The following CFHR3 variants were observed in gnomAD, a reference collection of about 807,000 sequenced individuals.
CFHR3 encodes the protein complement factor H related 3, also known as complement factor H-related protein 3.
A neutral mutation model predicts 36.0 loss-of-function variants in CFHR3; 22 were observed. The ratio of observed to expected loss-of-function variants is 0.61; its 90% CI spans 0.44 to 0.87. The LOEUF is 0.87. CFHR3 is among the 40% of genes least tolerant of loss of function. The probability of loss-of-function intolerance (pLI) is 0.00; values close to 1 mark genes in which losing one functional copy is unlikely to be tolerated. For synonymous variants in CFHR3, 97 were observed against 137.4 expected (o/e 0.71, Z 2.06); for missense variants, 276 against 401.3 (o/e 0.69, Z 2.67).
intron 4 of CFHR3, chr1:196,789,819 C>A (rs1226527629): frequency 1.7e-6 from 2 of 1,172,278 alleles, no homozygotes; most frequent in Non-Finnish European, 2.2e-6. Flanking sequence ...TAGACACCTA[C>A]ATATGTATAT....
rs1270235612 is a variant in CFHR3 at position 196,782,334 on chromosome 1, G to A, written c.430+2361G>A. On this transcript the variant is annotated intron_variant, in intron 3 of 5. Coordinates refer to ENST00000367425, the MANE Select transcript of CFHR3 (RefSeq NM_021023.6). ...CTTTAAAGTACTTTTTTCCACTTTGGTGAAGAAAGTCATTGGTAGCTTGAT... is the reference window on the plus strand; with the variant it reads ...CTTTAAAGTACTTTTTTCCACTTTGATGAAGAAAGTCATTGGTAGCTTGAT... 1.5e-5 allele frequency among the ~76,000 whole-genome samples: 2 copies of A among 136,782 alleles called. 1 individual carries two copies. The highest frequency in any genetic ancestry group is 3.1e-5 in the Non-Finnish European group (2 of 64,502). 89.7% of individuals were successfully genotyped at this position (136,782 alleles called of 152,430 possible).
Position 196,788,989 on chromosome 1 carries a change from G to A in CFHR3, c.613+591G>A, listed in dbSNP as rs1654317913. 10 of 1,306,622 alleles carry A rather than the reference G, an allele frequency of 7.7e-6. 1 individual carries two copies. The highest frequency in any genetic ancestry group is 9.8e-6 in the Non-Finnish European group (10 of 1,021,832). The allele number at this position is 1,306,622 out of a possible 1,614,324, so 80.9% of individuals were successfully genotyped here. A position where few individuals can be genotyped will look rare whatever the true frequency, so the allele number is the denominator to read the frequency against. On this transcript the variant is annotated intron_variant, in intron 4 of 5. Coordinates refer to ENST00000367425, the MANE Select transcript of CFHR3 (RefSeq NM_021023.6). ...GTTTACAAACCTCATACTTGCCAAT[G>A]GATTCTTTACATGTAAAGTTCTCTG...
rs533294392 is a variant in CFHR3 at position 196,787,265 on chromosome 1, T to C, written c.431-951T>C. On this transcript the variant is annotated intron_variant, in intron 3 of 5. Coordinates refer to ENST00000367425, the MANE Select transcript of CFHR3 (RefSeq NM_021023.6). ...CTATCATTAATCCACCTAATAAATA[T>C]TGTTGTGTGTCAAGCACTTTGTAGG... 1.4e-4 allele frequency among the ~76,000 whole-genome samples: 19 copies of C among 137,070 alleles called. 1 individual carries two copies. The East Asian group carries it at 3.7e-3, about 27-fold the overall frequency. The allele number at this position is 137,070 out of a possible 152,430, so 89.9% of individuals were successfully genotyped here. A position where few individuals can be genotyped will look rare whatever the true frequency, so the allele number is the denominator to read the frequency against.
chr1:196,777,255 G>C lies in CFHR3; in HGVS notation c.59-1907G>C, dbSNP rs1435255377. On this transcript the variant is annotated intron_variant, in intron 1 of 5. Transcript: ENST00000367425. ...AGTTATTTACACTTATTTAAAAACAGGTTGTCAGGAAAATTATTTTTAATC... is the reference window on the plus strand; with the variant it reads ...AGTTATTTACACTTATTTAAAAACACGTTGTCAGGAAAATTATTTTTAATC... 1.5e-5 allele frequency among the ~76,000 whole-genome samples: 2 copies of C among 136,640 alleles called. 1 individual carries two copies. The highest frequency in any genetic ancestry group is 6.1e-5 in the African/African-American group (2 of 32,728). The allele number at this position is 136,640 out of a possible 152,430, so 89.6% of individuals were successfully genotyped here. A position where few individuals can be genotyped will look rare whatever the true frequency, so the allele number is the denominator to read the frequency against.
At chr1:196,784,509 T>C (rs1573115965) in intron 3 of CFHR3, among the ~76,000 whole-genome samples, 1 of 136,454 alleles carries the variant, frequency 7.3e-6, no homozygotes, top group Non-Finnish European at 1.6e-5. Context: ...CATATATATC[T>C]AGGATAGTTA....
At chr1:196,774,965 A>G in intron 1 of CFHR3, 21 bp downstream of exon 1, 3 of 1,499,138 alleles carry the variant, frequency 2.0e-6, no homozygotes, top group Non-Finnish European at 2.7e-6. Flanking sequence ...AGAGATCTAA[A>G]CACTCAGCTT....
intron 4 of CFHR3, 200 bp from the exon 5 acceptor site, chr1:196,789,845 T>C: frequency 9.3e-7 from 1 of 1,078,152 alleles, no homozygotes; most frequent in Admixed American, 3.2e-5. Flanking sequence ...CATATGTGTG[T>C]ACATATATGT....
intron 1 of CFHR3, 99 bp downstream of exon 1, chr1:196,775,043 G>C: frequency 9.4e-7 from 1 of 1,065,052 alleles, no homozygotes; most frequent in Middle Eastern, 2.4e-4. Context: ...GAATCAAAGA[G>C]GATTTATTCA....
In CFHR3 at chr1:196,793,870, C is replaced by A. The variant is rs766360958; in HGVS notation, c.*357C>A. 33 of 180,102 alleles carry A rather than the reference C, an allele frequency of 1.8e-4. 3 individuals are homozygous for A. The highest frequency in any genetic ancestry group is 2.7e-4 in the Non-Finnish European group (25 of 92,632). The allele number at this position is 180,102 out of a possible 1,614,324, so 11.2% of individuals were successfully genotyped here. A position where few individuals can be genotyped will look rare whatever the true frequency, so the allele number is the denominator to read the frequency against. On this transcript the variant is annotated 3_prime_UTR_variant, in exon 6 of 6. Coordinates refer to ENST00000367425, the MANE Select transcript of CFHR3 (RefSeq NM_021023.6). ...GATTTTATTTGGGGAAGTAATAATA[C>A]CATAAAATTAGATATTAAAATTGTA...
At chr1:196,784,986 T>A (rs1654134499) in intron 3 of CFHR3, among the ~76,000 whole-genome samples, 1 of 136,958 alleles carries the variant, frequency 7.3e-6, no homozygotes, top group Non-Finnish European at 1.5e-5. Context: ...GGAGCTCTTT[T>A]AGGGCAGGCC....
At chr1:196,787,532 CAT>C (rs1654257363) in intron 3 of CFHR3, among the ~76,000 whole-genome samples, 1 of 137,500 alleles carries the variant, frequency 7.3e-6, no homozygotes, top group South Asian at 2.5e-4. Context: ...TATCTTAAAA[CAT>C]ATGCGTTACT....
chr1:196,795,247 G>A lies in CFHR3; in HGVS notation c.*1734G>A, dbSNP rs1046321597. 7.3e-6 allele frequency: 1 copy of A among 136,086 alleles called. No individual in the cohort carries two copies. The highest frequency in any genetic ancestry group is 1.6e-5 in the Non-Finnish European group (1 of 64,358). 8.4% of individuals were successfully genotyped at this position (136,086 alleles called of 1,614,324 possible). On this transcript the variant is annotated 3_prime_UTR_variant, in exon 6 of 6. Coordinates refer to ENST00000367425, the MANE Select transcript of CFHR3 (RefSeq NM_021023.6). ...TCATGGTAGTAAATACATCTCATGA[G>A]ATCTAATGGTTTTATAAATGAAAGT... is the stretch of plus-strand genomic sequence containing the variant.
rs1247265703 is a variant in CFHR3 at position 196,792,498 on chromosome 1, C to T, written c.797-819C>T. 2.6e-4 allele frequency among the ~76,000 whole-genome samples: 29 copies of T among 111,060 alleles called. 6 individuals carry two copies. The highest frequency in any genetic ancestry group is 4.4e-4 in the Non-Finnish European group (25 of 57,202). The allele number at this position is 111,060 out of a possible 152,430, so 72.9% of individuals were successfully genotyped here. ...GGCACACATTTACCTATGGAACAAA[C>T]CTGCACATCCTGCACATGTACCCTG... On this transcript the variant is annotated intron_variant, in intron 5 of 5. Transcript: ENST00000367425.
intron 1 of CFHR3, among the ~76,000 whole-genome samples, chr1:196,776,658 A>G (rs1653733575): frequency 7.3e-6 from 1 of 136,728 alleles, no homozygotes; most frequent in South Asian, 2.5e-4. Context: ...AGAAGCATCC[A>G]ATCCTGTTGA....
chr1:196,794,242 C>A lies in CFHR3; in HGVS notation c.*729C>A, dbSNP rs1266410828. 7.3e-6 allele frequency among the ~76,000 whole-genome samples: 1 copy of A among 136,506 alleles called. No homozygotes were observed. Among genetic ancestry groups the A allele is most frequent in the African/African-American group, 3.1e-5 (1 of 32,524 alleles). The allele number at this position is 136,506 out of a possible 152,430, so 89.6% of individuals were successfully genotyped here. On this transcript the variant is annotated 3_prime_UTR_variant, in exon 6 of 6. Transcript: ENST00000367425. ...CACTTTGAGAGGCCAAGCTGGCAAT[C>A]ATCAGAGGTCAAAAGTTCAAGACCA...
chr1:196,784,375 G>A lies in CFHR3; in HGVS notation c.431-3841G>A, dbSNP rs1014679362. On this transcript the variant is annotated intron_variant, in intron 3 of 5. Transcript: ENST00000367425. ...GGTATCCTTGTTGACTTTCCATCTC[G>A]TTGATCTGTCTAATGTTGACAGTGG... Among the ~76,000 whole-genome samples the A allele has an allele frequency of 1.0e-4, 14 of 135,648 alleles. 1 individual carries two copies. The highest frequency in any genetic ancestry group is 3.9e-3 in the Middle Eastern group (1 of 254). 89.0% of individuals were successfully genotyped at this position (135,648 alleles called of 152,430 possible).
intron 3 of CFHR3, among the ~76,000 whole-genome samples, chr1:196,781,625 C>G (rs1343219205): frequency 1.5e-5 from 2 of 136,424 alleles, no homozygotes; most frequent in African/African-American, 3.1e-5. Context: ...TGTTCATGTC[C>G]TTTGCCCACT....
rs1292376131 is a variant in CFHR3 at position 196,795,282 on chromosome 1, C to A, written c.*1769C>A. 1 of 136,760 alleles carries A rather than the reference C, an allele frequency of 7.3e-6. No homozygotes were observed. Among genetic ancestry groups the A allele is most frequent in the Admixed American group, 7.1e-5 (1 of 14,168 alleles). The allele number at this position is 136,760 out of a possible 1,614,324, so 8.5% of individuals were successfully genotyped here. ...TTTTATAAATGAAAGTTCCCCTGGA[C>A]AAGTTCTCTTGCCTGCCACCATGTA... On this transcript the variant is annotated 3_prime_UTR_variant, in exon 6 of 6. Transcript: ENST00000367425.
At position 196,775,629 on chromosome 1, in the gene CFHR3, T is replaced by C. The variant is rs1226309385; in HGVS notation, c.58+685T>C. Among the ~76,000 whole-genome samples the C allele has an allele frequency of 1.5e-5, 2 of 137,408 alleles. 1 individual carries two copies. The highest frequency in any genetic ancestry group is 3.1e-5 in the Non-Finnish European group (2 of 64,540). 90.1% of individuals were successfully genotyped at this position (137,408 alleles called of 152,430 possible). On this transcript the variant is annotated intron_variant, in intron 1 of 5. Transcript: ENST00000367425. ...TTCATAGCGTTATGTCATTGTTCAC[T>C]GATTTCTCCTAGATAGTCATATATT... is the stretch of plus-strand genomic sequence containing the variant.
Sources: allele counts gnomAD v4.1 joint callset (sites outside exome capture counted in the v4.1 genomes callset), GRCh38; gene constraint gnomAD v4.1.1; transcripts MANE v1.5; gene names NCBI Gene and HGNC (gene_info 2026-07-23, HGNC 2026-07-21).